LHPP: variants seen among roughly 807,000 people sequenced by gnomAD.
LHPP encodes phospholysine phosphohistidine inorganic pyrophosphate phosphatase.
A neutral mutation model predicts 30.3 loss-of-function variants in LHPP; 24 were observed. That is an observed-to-expected ratio of 0.79 (90% confidence interval 0.57 to 1.11). The LOEUF (loss-of-function observed/expected upper bound fraction) is 1.11, where lower values mean the gene tolerates loss of function less well. Among genes scored for constraint, LHPP ranks in the 50% most tolerant of loss-of-function variants. The pLI is 0.00. For missense variants in LHPP, 356 were observed against 367.2 expected (o/e 0.97, Z 0.25); for synonymous variants, 150 against 157.1 (o/e 0.95, Z 0.34).
Position 124,596,360 on chromosome 10 carries a change from C to T in LHPP, c.717-16904C>T, listed in dbSNP as rs57433089. 0.017 allele frequency among the ~76,000 whole-genome samples: 2,594 copies of T among 152,200 alleles called. 74 individuals carry two copies. The highest frequency in any genetic ancestry group is 0.059 in the African/African-American group (2,460 of 41,516). ...CCAGAGTGTCTGATGTACCATGTTG[C>T]GCTCCCGCCAGCCTCGCTGAGTTCC... On this transcript the variant is annotated intron_variant, in intron 6 of 6. Transcript: ENST00000368842. The surrounding 1 kb of genome is among the most constrained non-coding windows in gnomAD (Gnocchi z 4.6).
intron 6 of LHPP, among the ~76,000 whole-genome samples, chr10:124,526,642 C>G (rs917459408): frequency 2.0e-4 from 31 of 152,154 alleles, no homozygotes; most frequent in African/African-American, 7.2e-4. Context: ...ACACACACGA[C>G]CTGCTGCTGA....
intron 6 of LHPP, among the ~76,000 whole-genome samples, chr10:124,545,251 T>G (rs371957019): frequency 1.3e-5 from 2 of 152,322 alleles, no homozygotes; most frequent in East Asian, 3.9e-4. Context: ...CTCTAAGCAT[T>G]CCTTTCCTCG....
At chr10:124,573,208 C>T (rs553038550) in intron 6 of LHPP, among the ~76,000 whole-genome samples, 12 of 152,342 alleles carry the variant, frequency 7.9e-5, no homozygotes, top group Admixed American at 4.6e-4. Context: ...ATGTTTTCAT[C>T]CACTCTTCAT....
At position 124,596,722 on chromosome 10, in the gene LHPP, T is replaced by C. The variant is rs1948947835; in HGVS notation, c.717-16542T>C. Among the ~76,000 whole-genome samples, 2 of 152,078 alleles carry C rather than the reference T, an allele frequency of 1.3e-5. No individual in the cohort carries two copies. The highest frequency in any genetic ancestry group is 2.9e-5 in the Non-Finnish European group (2 of 67,994). On this transcript the variant is annotated intron_variant, in intron 6 of 6. Transcript: ENST00000368842. The surrounding 1 kb of genome is among the most constrained non-coding windows in gnomAD (Gnocchi z 4.6). ...GGTGGACGGGTGGGGAGGCCCGACT[T>C]TAAGGGACCTGCTTCCTAAGCAAAC...
rs779407424 is a variant in LHPP at position 124,498,080 on chromosome 10, T to C, written c.576T>C (p.Pro192=). Residue 192 remains proline (P), a synonymous_variant, in exon 5 of 7, where the codon CCT becomes CCC. Coordinates refer to ENST00000368842, the MANE Select transcript of LHPP (RefSeq NM_022126.4). ...IKAEVVGKPS[P]EFFKSALQAI... is the part of the protein sequence containing the mutation. ...CCGAGGTGGTGGGGAAGCCTTCTCC[T>C]GAGTTTTTCAAGTCTGCCCTGCAAG... 1 of 1,614,160 alleles carries C rather than the reference T, an allele frequency of 6.2e-7. No homozygotes were observed. Among genetic ancestry groups the C allele is most frequent in the South Asian group, 1.1e-5 (1 of 91,086 alleles).
chr10:124,519,872 A>G (rs1291190599), intron 6 of LHPP, among the ~76,000 whole-genome samples: 3 of 151,062 alleles, frequency 2.0e-5, no homozygotes, highest in Non-Finnish European at 4.4e-5. Flanking sequence ...TTGCTCTGTC[A>G]CCCAGGCTGG....
intron 6 of LHPP, among the ~76,000 whole-genome samples, chr10:124,573,232 T>C (rs1948612730): frequency 6.6e-6 from 1 of 152,254 alleles, no homozygotes; most frequent in African/African-American, 2.4e-5. Context: ...GTTTCCTCTG[T>C]GAACACCTCA....
At chr10:124,545,899 G>T (rs1329684126) in intron 6 of LHPP, 1 of 152,286 alleles carries the variant, frequency 6.6e-6, no homozygotes, top group Admixed American at 6.5e-5. Context: ...ATGGTGGCTG[G>T]CGACAGTCAC....
intron 6 of LHPP, among the ~76,000 whole-genome samples, chr10:124,552,364 C>A (rs1335444652): frequency 6.6e-6 from 1 of 152,082 alleles, no homozygotes; most frequent in African/African-American, 2.4e-5. Context: ...TGATCACCAC[C>A]CTGCCACCAC....
At chr10:124,572,909 C>G (rs1375255577) in intron 6 of LHPP, among the ~76,000 whole-genome samples, 1 of 152,234 alleles carries the variant, frequency 6.6e-6, no homozygotes, top group Non-Finnish European at 1.5e-5. Context: ...TTGCTGGGAT[C>G]ATAGCAGAAT....
At chr10:124,520,546 C>T (rs182579306) in intron 6 of LHPP, among the ~76,000 whole-genome samples, 6 of 152,312 alleles carry the variant, frequency 3.9e-5, no homozygotes, top group Middle Eastern at 3.4e-3. Context: ...TTGTTCCTAA[C>T]GAGATTTAAA....
At chr10:124,599,259 A>C (rs1948992382) in intron 6 of LHPP, among the ~76,000 whole-genome samples, 2 of 149,358 alleles carry the variant, frequency 1.3e-5, no homozygotes, top group Admixed American at 6.7e-5. Context: ...CATCCTTCCA[A>C]CTGTCTGTTT....
intron 6 of LHPP, among the ~76,000 whole-genome samples, chr10:124,554,541 T>C (rs1948255204): frequency 6.6e-6 from 1 of 152,258 alleles, no homozygotes; most frequent in South Asian, 2.1e-4. Flanking sequence ...ATAATGTGCA[T>C]GCAGTGCTTA....
At chr10:124,509,688 T>C (rs1954252088) in intron 5 of LHPP, among the ~76,000 whole-genome samples, 1 of 151,648 alleles carries the variant, frequency 6.6e-6, no homozygotes, top group Admixed American at 6.6e-5. Flanking sequence ...CTGGGTTCCT[T>C]TGGGGCCTGG....
intron 6 of LHPP, among the ~76,000 whole-genome samples, chr10:124,563,314 T>TTTC (rs1381007026): frequency 1.9e-4 from 3 of 16,088 alleles, no homozygotes; most frequent in African/African-American, 9.2e-4. Context: ...TCTCTTTTTC[T>TTTC]TTTTTTTTTT....
At chr10:124,601,929 G>A (rs2362501) in intron 6 of LHPP, among the ~76,000 whole-genome samples, 48,689 of 152,066 alleles carry the variant, frequency 0.32, 8,569 homozygotes, top group Non-Finnish European at 0.39. Context: ...CAGGCCCTGC[G>A]TGCACTCGCA....
chr10:124,576,128 C>T lies in LHPP; in HGVS notation c.717-37136C>T, dbSNP rs942871666. ...TTTCTTAACCACTGTGTTCACTGAA[C>T]ACCCCGGGCTTGATCAGCTGCTGAG... On this transcript the variant is annotated intron_variant, in intron 6 of 6. Transcript: ENST00000368842. The surrounding 1 kb of genome is among the most constrained non-coding windows in gnomAD (Gnocchi z 4.2). Among the ~76,000 whole-genome samples, 6 of 152,172 alleles carry T rather than the reference C, an allele frequency of 3.9e-5. No homozygotes were observed. The highest frequency in any genetic ancestry group is 1.4e-4 in the African/African-American group (6 of 41,412).
At chr10:124,468,912 C>T (rs1407915389) in intron 1 of LHPP, among the ~76,000 whole-genome samples, 1 of 152,218 alleles carries the variant, frequency 6.6e-6, no homozygotes, top group African/African-American at 2.4e-5. Context: ...GAAACGCCCC[C>T]TCCAGGAAAG....
intron 6 of LHPP, among the ~76,000 whole-genome samples, chr10:124,568,157 G>A (rs1327442572): frequency 6.6e-6 from 1 of 152,034 alleles, no homozygotes; most frequent in East Asian, 1.9e-4. Context: ...CTCGTGATCC[G>A]CCCGCCTCAG....
Sources: gnomAD v4.1 joint callset for allele counts (sites outside exome capture counted in the v4.1 genomes callset) on GRCh38, gnomAD v4.1.1 for gene constraint, Gnocchi (gnomAD v3.1) non-coding constraint, MANE v1.5 for transcripts, NCBI Gene and HGNC (gene_info 2026-07-23, HGNC 2026-07-21) for gene names.